Variants in IPO8 observed in about 807,000 individuals in gnomAD.
The protein encoded by IPO8 is importin 8.
A neutral mutation model predicts 141.2 loss-of-function variants in IPO8; 65 were observed. The ratio of observed to expected loss-of-function variants is 0.46; its 90% CI spans 0.38 to 0.57. The LOEUF (loss-of-function observed/expected upper bound fraction) is 0.57. Ranked by LOEUF, IPO8 falls within the 20% of genes least tolerant of loss-of-function variation. IPO8 has a pLI of 0.00. For missense variants in IPO8, 980 were observed against 1,246.8 expected (o/e 0.79, Z 3.22); for synonymous variants, 411 against 420.3 (o/e 0.98, Z 0.27).
intron 1 of IPO8, among the ~76,000 whole-genome samples, chr12:30,693,900 G>A (rs932899748): frequency 5.3e-5 from 8 of 152,000 alleles, no homozygotes; most frequent in East Asian, 3.8e-4. Context: ...CACCCTGAAC[G>A]TGCCTGCTTT....
chr12:30,687,678 T>C (rs370485301), intron 2 of IPO8, among the ~76,000 whole-genome samples: 2 of 152,174 alleles, frequency 1.3e-5, no homozygotes, highest in African/African-American at 4.8e-5. Context: ...GCCACAAAGC[T>C]TTCTACAAAT....
In IPO8 at chr12:30,631,999, C is replaced by T. The variant is rs760300344; in HGVS notation, c.2912G>A (p.Arg971Gln). Residue 971 changes from arginine (R) to glutamine (Q), a missense_variant, in exon 24 of 25, where the codon CGA (arginine) becomes CAA (glutamine). Physicochemically the swap from Arg to Gln is conservative, Grantham distance 43. This residue lies in a region of IPO8 where 924 missense variants were observed against 1,153.9 expected (regional missense o/e 0.80). Transcript: ENST00000256079. ...FTQALITVQS[R>Q]DAAWYQLLMA... ...CAGCAGCTGGTACCAGGCTGCATCTCGACTCTGCACAGCTGTTGCATTTTG... is the reference window on the plus strand; with the variant it reads ...CAGCAGCTGGTACCAGGCTGCATCTTGACTCTGCACAGCTGTTGCATTTTG... 9.3e-6 allele frequency: 15 copies of T among 1,611,628 alleles called. No homozygotes were observed. The Middle Eastern group carries it at 5.1e-4, about 54-fold the overall frequency.
intron 6 of IPO8, among the ~76,000 whole-genome samples, chr12:30,675,780 C>T (rs1160895495): frequency 6.7e-6 from 1 of 149,304 alleles, no homozygotes; most frequent in African/African-American, 2.5e-5. Flanking sequence ...GGAGGCGGAG[C>T]TTGCAGTGAG....
intron 20 of IPO8, among the ~76,000 whole-genome samples, chr12:30,640,992 T>C (rs960619394): frequency 3.9e-5 from 6 of 152,216 alleles, no homozygotes; most frequent in South Asian, 2.1e-4. Flanking sequence ...CTTAAATAAA[T>C]AGAAAATAAA....
chr12:30,680,369 T>C (rs1359977632), intron 5 of IPO8, 113 bp downstream of exon 5: 6 of 761,714 alleles, frequency 7.9e-6, no homozygotes, highest in Non-Finnish European at 1.2e-5. Flanking sequence ...TTTAAAGAAA[T>C]ATATGGGATA....
At chr12:30,644,857 T>C (rs2052622237) in intron 20 of IPO8, among the ~76,000 whole-genome samples, 1 of 151,434 alleles carries the variant, frequency 6.6e-6, no homozygotes, top group African/African-American at 2.4e-5. Flanking sequence ...TTCACCATGT[T>C]GGCCAGGCTG....
chr12:30,660,566 A>G lies in IPO8; in HGVS notation c.1881+575T>C, dbSNP rs377746121. On this transcript the variant is annotated intron_variant, in intron 16 of 24. Coordinates refer to ENST00000256079, the MANE Select transcript of IPO8 (RefSeq NM_006390.4). The stretch of plus-strand genomic sequence containing the variant: ...CCTGTGCTAGCTATGTCATGGTGGC[A>G]CCAGTAAGATCATATCAGCTGATGG... Among the ~76,000 whole-genome samples, 91 of 152,316 alleles carry G rather than the reference A, an allele frequency of 6.0e-4. 2 individuals carry two copies. The highest frequency in any genetic ancestry group is 2.1e-3 in the African/African-American group (86 of 41,582).
chr12:30,643,408 T>C (rs1290645276), intron 20 of IPO8, among the ~76,000 whole-genome samples: 1 of 152,172 alleles, frequency 6.6e-6, no homozygotes, highest in African/African-American at 2.4e-5. Context: ...AATGGTAACC[T>C]CACTAACAGT....
chr12:30,650,332 T>G (rs2052708385), intron 19 of IPO8, among the ~76,000 whole-genome samples: 1 of 152,068 alleles, frequency 6.6e-6, no homozygotes, highest in Admixed American at 6.6e-5. Context: ...ACAGAGAAAT[T>G]TTAAAGATGT....
At position 30,649,345 on chromosome 12, in the gene IPO8, GC is replaced by G. The variant is rs372008219; in HGVS notation, c.2173-114del. On this transcript the variant is annotated intron_variant, in intron 19 of 24. Transcript: ENST00000256079. ...AGCCATAGGAACCACAGCTTTGCTT[GC>G]TGTGCAAGTTTACCTCACCAACCCA... The G allele has an allele frequency of 2.2e-3, 1,461 of 661,096 alleles. 10 individuals are homozygous for G. In the African/African-American group the frequency reaches 0.023, roughly 11 times the overall value. 41.0% of individuals were successfully genotyped at this position (661,096 alleles called of 1,614,324 possible).
chr12:30,684,171 G>A (rs549083677), intron 3 of IPO8, 130 bp downstream of exon 3: 2 of 700,500 alleles, frequency 2.9e-6, no homozygotes, highest in East Asian at 5.2e-5. Context: ...TATTCTTTGA[G>A]TGTCCCTCTT....
In IPO8 at chr12:30,638,898, C is replaced by G. The variant is rs543157079; in HGVS notation, c.2489+617G>C. ...GTGTTAGCCAGAATGGTCTCGATCT[C>G]CTGACCTCGTGATCCACCCGCCTCG... On this transcript the variant is annotated intron_variant, in intron 21 of 24. Coordinates refer to ENST00000256079, the MANE Select transcript of IPO8 (RefSeq NM_006390.4). Among the ~76,000 whole-genome samples the G allele has an allele frequency of 2.6e-5, 4 of 152,212 alleles. No individual in the cohort carries two copies. The East Asian group carries it at 7.7e-4, about 29-fold the overall frequency.
intron 15 of IPO8, 65 bp from the exon 16 acceptor site, chr12:30,661,331 T>C (rs1006918619): frequency 7.0e-6 from 10 of 1,425,262 alleles, no homozygotes; most frequent in African/African-American, 1.5e-5. Flanking sequence ...TTTACAAAAG[T>C]TAGCAAAATG....
At chr12:30,635,582 G>GT (rs1457822644) in intron 22 of IPO8, among the ~76,000 whole-genome samples, 1 of 152,074 alleles carries the variant, frequency 6.6e-6, no homozygotes, top group African/African-American at 2.4e-5. Context: ...CAGTTAGATT[G>GT]TAACTGAAAT....
intron 12 of IPO8, among the ~76,000 whole-genome samples, 167 bp from the exon 13 acceptor site, chr12:30,665,476 AGTTTGATATT>A (rs2052949898): frequency 6.6e-6 from 1 of 152,232 alleles, no homozygotes; most frequent in Non-Finnish European, 1.5e-5. Flanking sequence ...ACCTTATATC[AGTTTGATATT>A]GATTGATTTT....
chr12:30,674,693 A>C lies in IPO8; in HGVS notation c.790T>G (p.Trp264Gly). 1 of 1,613,710 alleles carries C rather than the reference A, an allele frequency of 6.2e-7. No homozygotes were observed. Among genetic ancestry groups the C allele is most frequent in the Non-Finnish European group, 8.5e-7 (1 of 1,179,682 alleles). ...PELVWWKCKK[W>G]ALHIVARLFE... ...AGCCGAGCTACAATATGCAGTGCCC[A>C]CTTCTTACACTTCCACCATACCAGT... is the stretch of plus-strand genomic sequence containing the variant. Residue 264 changes from tryptophan (W) to glycine (G), a missense_variant, in exon 7 of 25, where the codon TGG (tryptophan) becomes GGG (glycine). This residue lies in a region of IPO8 where 924 missense variants were observed against 1,153.9 expected (regional missense o/e 0.80). Coordinates refer to ENST00000256079, the MANE Select transcript of IPO8 (RefSeq NM_006390.4).
chr12:30,650,588 G>A lies in IPO8; in HGVS notation c.2173-1356C>T, dbSNP rs570252647. ...ACTTATTAGCTGTGTTTTTAGAAAC[G>A]TTACTTAACCTCTTTTACTGTCCCC... On this transcript the variant is annotated intron_variant, in intron 19 of 24. Coordinates refer to ENST00000256079, the MANE Select transcript of IPO8 (RefSeq NM_006390.4). 3.9e-5 allele frequency among the ~76,000 whole-genome samples: 6 copies of A among 152,150 alleles called. No homozygotes were observed. The East Asian group carries it at 1.2e-3, about 29-fold the overall frequency.
intron 18 of IPO8, 122 bp downstream of exon 18, chr12:30,652,845 G>A (rs768430896): frequency 5.6e-5 from 52 of 934,272 alleles, no homozygotes; most frequent in Middle Eastern, 3.3e-4. Flanking sequence ...GCTTTTATGT[G>A]ACCGGGAAAT....
In IPO8 at chr12:30,677,154, G is replaced by A. The variant is rs762167656; in HGVS notation, c.640-567C>T. On this transcript the variant is annotated intron_variant, in intron 5 of 24. Coordinates refer to ENST00000256079, the MANE Select transcript of IPO8 (RefSeq NM_006390.4). Reference sequence around the variant, plus strand: ...TAAGATAGACAATCTTTGCCCTCACGAAGCTTACACTCTAACTGGAAAAAA... The same window carrying A: ...TAAGATAGACAATCTTTGCCCTCACAAAGCTTACACTCTAACTGGAAAAAA... 22 of 1,273,820 alleles carry A rather than the reference G, an allele frequency of 1.7e-5. No individual in the cohort carries two copies. In the African/African-American group the frequency reaches 2.5e-4, roughly 15 times the overall value. The allele number at this position is 1,273,820 out of a possible 1,614,324, so 78.9% of individuals were successfully genotyped here.
Sources: allele counts gnomAD v4.1 joint callset (sites outside exome capture counted in the v4.1 genomes callset), GRCh38; gene constraint gnomAD v4.1.1; regional missense constraint gnomAD v4.1.1; transcripts MANE v1.5; gene names NCBI Gene and HGNC (gene_info 2026-07-23, HGNC 2026-07-21).